SLC19A1: variants seen among roughly 807,000 people sequenced by gnomAD.
SLC19A1 encodes the protein solute carrier family 19 member 1, also known as reduced folate transporter.
Under a neutral mutation model 35.3 loss-of-function variants are expected in SLC19A1, and 37 were observed. The ratio of observed to expected loss-of-function variants is 1.05; its 90% CI spans 0.81 to 1.38. SLC19A1 has a LOEUF of 1.38. Ranked by LOEUF, SLC19A1 falls within the 40% of genes most tolerant of loss-of-function variation. The probability of loss-of-function intolerance (pLI) is 0.00; values close to 1 mark genes in which losing one functional copy is unlikely to be tolerated. For missense variants in SLC19A1, 831 were observed against 826.9 expected (o/e 1.00, Z -0.06); for synonymous variants, 460 against 398.5 (o/e 1.15, Z -1.84).
chr21:45,504,593 A>AG (rs2037072028), intron 3 of SLC19A1: 4 of 1,546,972 alleles, frequency 2.6e-6, no homozygotes, highest in Non-Finnish European at 3.5e-6. Flanking sequence ...CCCATGTCCC[A>AG]GGGGTCTGGG....
At chr21:45,506,643 G>T (rs921328295) in intron 3 of SLC19A1, 1 of 171,030 alleles carries the variant, frequency 5.8e-6, no homozygotes, top group Non-Finnish European at 1.3e-5. Flanking sequence ...CCGCCGAAAC[G>T]GCCTGTGACA....
chr21:45,521,187 C>T (rs764470858), intron 5 of SLC19A1, among the ~76,000 whole-genome samples: 48 of 152,304 alleles, frequency 3.2e-4, no homozygotes, highest in Non-Finnish European at 5.4e-4. Context: ...GCCTCCGGAA[C>T]TGTGAGAGAA....
chr21:45,511,084 CACACAT>C (rs768375846), downstream of SLC19A1: 7 of 1,122,568 alleles, frequency 6.2e-6, no homozygotes, highest in East Asian at 2.7e-5. Context: ...ACACACCACA[CACACAT>C]ACACACGGTT....
chr21:45,537,840 C>A lies in SLC19A1; in HGVS notation c.120G>T (p.Gln40His). 1 of 1,608,074 alleles carries A rather than the reference C, an allele frequency of 6.2e-7. No homozygotes were observed. Residue 40 changes from glutamine (Q) to histidine (H), a missense_variant, in exon 2 of 6, where the codon CAG becomes CAT. Gln to His is a conservative substitution (Grantham distance 24). Coordinates refer to ENST00000311124, the MANE Select transcript of SLC19A1 (RefSeq NM_194255.4). ...TGATGAAGCTCTCCCCTGGCCGTAT[C>A]TGCGCCATGAAGCCGTAGAAGCAAA... ...CYLCFYGFMA[Q>H]IRPGESFITP...
intron 3 of SLC19A1, chr21:45,507,021 GAC>G (rs1181875871): frequency 1.3e-5 from 4 of 309,660 alleles, no homozygotes; most frequent in African/African-American, 8.7e-5. Context: ...CTTTGGTCCT[GAC>G]AGGAGGAGGC....
Position 45,534,474 on chromosome 21 carries a change from G to T in SLC19A1, c.190-2326C>A. 2 of 1,262,532 alleles carry T rather than the reference G, an allele frequency of 1.6e-6. No individual in the cohort carries two copies. The highest frequency in any genetic ancestry group is 1.1e-6 in the Non-Finnish European group (1 of 899,844). 78.2% of individuals were successfully genotyped at this position (1,262,532 alleles called of 1,614,324 possible). ...AAAATGGTAGACAGCCAGCAGAGAG[G>T]CTCTCCCCAGACCCCACGGCTCTCT... is the stretch of plus-strand genomic sequence containing the variant. On this transcript the variant is annotated intron_variant, in intron 2 of 5. Coordinates refer to ENST00000311124, the MANE Select transcript of SLC19A1 (RefSeq NM_194255.4). The surrounding 1 kb of genome is among the most constrained non-coding windows in gnomAD (Gnocchi z 4.2).
chr21:45,525,998 A>G, intron 4 of SLC19A1, 40 bp from the exon 5 acceptor site: 2 of 1,599,688 alleles, frequency 1.3e-6, no homozygotes, highest in South Asian at 1.1e-5. Flanking sequence ...CTGCTGGGAG[A>G]ATAAGCAGCA....
chr21:45,510,504 C>T (rs527710843), downstream of SLC19A1, among the ~76,000 whole-genome samples: 7 of 149,774 alleles, frequency 4.7e-5, no homozygotes, highest in African/African-American at 1.5e-4. Flanking sequence ...CCCCCCGTGG[C>T]CCCCTGACCC....
intron 1 of SLC19A1, among the ~76,000 whole-genome samples, chr21:45,554,577 T>C (rs1356892322): frequency 7.4e-6 from 1 of 134,278 alleles, no homozygotes; most frequent in African/African-American, 2.9e-5. Flanking sequence ...GGGCGTCCTC[T>C]TGTGCCTGGC....
intron 1 of SLC19A1, among the ~76,000 whole-genome samples, chr21:45,556,175 G>C (rs1203256698): frequency 6.6e-6 from 1 of 152,212 alleles, no homozygotes; most frequent in East Asian, 1.9e-4. Flanking sequence ...GAAGAGGGTG[G>C]CTGCAGCCAC....
chr21:45,532,021 A>C lies in SLC19A1; in HGVS notation c.317T>G (p.Val106Gly). Reference protein sequence around the residue: ...LLLQGLSFVSVWLLLLLGHSV... With the variant: ...LLLQGLSFVSGWLLLLLGHSV... Reference sequence around the variant, plus strand: ...GTGGCCCAGCAGCAGCAGCAGCCACACCGACACGAAGCTGAGCCCCTGCAG... The same window carrying C: ...GTGGCCCAGCAGCAGCAGCAGCCACCCCGACACGAAGCTGAGCCCCTGCAG... The change falls in exon 3 of 6, where the codon GTG (valine) becomes GGG (glycine). Residue 106 changes from valine (V) to glycine (G), a missense_variant. Coordinates refer to ENST00000311124, the MANE Select transcript of SLC19A1 (RefSeq NM_194255.4). 1 of 1,611,582 alleles carries C rather than the reference A, an allele frequency of 6.2e-7. No individual in the cohort carries two copies. Among genetic ancestry groups the C allele is most frequent in the Non-Finnish European group, 8.5e-7 (1 of 1,179,868 alleles).
In SLC19A1 at chr21:45,514,149, T is replaced by C. The variant is rs2146174806; in HGVS notation, c.*1509A>G. Reference sequence around the variant, plus strand: ...GGAGGCGCTGGGAGGAGGATTCTGATGGCGGTGTGGGCCTCCCCAGTGACG... The same window carrying C: ...GGAGGCGCTGGGAGGAGGATTCTGACGGCGGTGTGGGCCTCCCCAGTGACG... On this transcript the variant is annotated 3_prime_UTR_variant, in exon 6 of 6. Coordinates refer to ENST00000311124, the MANE Select transcript of SLC19A1 (RefSeq NM_194255.4). The C allele has an allele frequency of 6.6e-6, 1 of 152,454 alleles. No individual in the cohort carries two copies. The highest frequency in any genetic ancestry group is 1.9e-4 in the East Asian group (1 of 5,162). The allele number at this position is 152,454 out of a possible 1,614,324, so 9.4% of individuals were successfully genotyped here. A position where few individuals can be genotyped will look rare whatever the true frequency, so the allele number is the denominator to read the frequency against.
In SLC19A1 at chr21:45,515,865, T is replaced by C; in HGVS notation, c.1569A>G (p.Pro523=). ...PASLEQRQSD[P]YLAQAPAPQA... ...GCGGGGCCGGGGCCTGGGCCAGGTA[T>C]GGGTCGCTCTGTCTCTGCTCCAGGG... is the stretch of plus-strand genomic sequence containing the variant. Residue 523 remains proline, a synonymous_variant, in exon 6 of 6, where the codon CCA becomes CCG. Transcript: ENST00000311124. The C allele has an allele frequency of 1.9e-6, 3 of 1,583,894 alleles. No homozygotes were observed.
chr21:45,558,053 G>A (rs780088683), intron 1 of SLC19A1, among the ~76,000 whole-genome samples: 47 of 152,250 alleles, frequency 3.1e-4, no homozygotes, highest in Non-Finnish European at 5.1e-4. Flanking sequence ...AGTCTGTGCC[G>A]AGTGGCTCCA....
intron 3 of SLC19A1, chr21:45,505,886 G>T (rs1286624194): frequency 6.2e-7 from 1 of 1,612,824 alleles, no homozygotes; most frequent in Non-Finnish European, 8.5e-7. Context: ...GGTGCACGAG[G>T]TTCCCGAGGG....
In SLC19A1 at chr21:45,504,529, A is replaced by T. The variant is rs751825604; in HGVS notation, c.498-5917T>A. Reference sequence around the variant, plus strand: ...GCCCCCCCGGCCCCCCAGGCCCCCCAGGCCCACGTGGCTACCCTGGGATTC... The same window carrying T: ...GCCCCCCCGGCCCCCCAGGCCCCCCTGGCCCACGTGGCTACCCTGGGATTC... On this transcript the variant is annotated intron_variant, in intron 3 of 4. Transcript: ENST00000417954. 4.6e-6 allele frequency: 4 copies of T among 878,288 alleles called. No individual in the cohort carries two copies. The highest frequency in any genetic ancestry group is 2.2e-5 in the African/African-American group (1 of 45,098). The allele number at this position is 878,288 out of a possible 1,614,324, so 54.4% of individuals were successfully genotyped here.
At chr21:45,554,759 T>C (rs2078525461) in intron 1 of SLC19A1, among the ~76,000 whole-genome samples, 1 of 151,562 alleles carries the variant, frequency 6.6e-6, no homozygotes, top group African/African-American at 2.4e-5. Flanking sequence ...GCTGCTGTGC[T>C]ATCATTTTTA....
intron 1 of SLC19A1, among the ~76,000 whole-genome samples, chr21:45,551,161 G>A (rs2078462601): frequency 6.6e-6 from 1 of 151,802 alleles, no homozygotes; most frequent in African/African-American, 2.4e-5. Context: ...GGCTGAGGCA[G>A]GAGAATAGCT....
Position 45,531,384 on chromosome 21 carries a change from C to T in SLC19A1, c.949+5G>A, listed in dbSNP as rs761885283. 1 of 1,566,594 alleles carries T rather than the reference C, an allele frequency of 6.4e-7. No individual in the cohort carries two copies. The highest frequency in any genetic ancestry group is 8.7e-7 in the Non-Finnish European group (1 of 1,154,734). ...AAGAAGCCTCGGGGACCAGGGCATGCGTACCCAGCAGCGTGGAGGCAGCAT... is the reference window on the plus strand; with the variant it reads ...AAGAAGCCTCGGGGACCAGGGCATGTGTACCCAGCAGCGTGGAGGCAGCAT... On this transcript the variant is annotated splice_donor_5th_base_variant and intron_variant, in intron 3 of 5. Coordinates refer to ENST00000311124, the MANE Select transcript of SLC19A1 (RefSeq NM_194255.4).
Sources: allele counts gnomAD v4.1 joint callset (sites outside exome capture counted in the v4.1 genomes callset), GRCh38; gene constraint gnomAD v4.1.1; non-coding constraint Gnocchi (gnomAD v3.1); transcripts MANE v1.5; gene names NCBI Gene and HGNC (gene_info 2026-07-23, HGNC 2026-07-21).